EBF1: variants seen among roughly 807,000 people sequenced by gnomAD.
EBF1 encodes transcription factor COE1.
EBF1 carries 10 observed loss-of-function variants against 68.4 expected under a neutral mutation model. That is an observed-to-expected ratio of 0.15 (90% CI 0.09 to 0.25). EBF1 has a LOEUF of 0.25. Ranked by LOEUF, EBF1 falls within the 10% of genes least tolerant of loss-of-function variation. The pLI is 1.00. For missense variants in EBF1, 509 were observed against 794.4 expected, an observed-to-expected ratio of 0.64 and a Z score of 4.32; for synonymous variants, 298 against 299.8, an observed-to-expected ratio of 0.99 and a Z score of 0.06.
intron 6 of EBF1, among the ~76,000 whole-genome samples, chr5:158,861,995 T>C (rs1795038794): frequency 6.6e-6 from 1 of 152,232 alleles, no homozygotes; most frequent in Non-Finnish European, 1.5e-5. Context: ...TTCAAAATAT[T>C]GTTTTACTCC....
At chr5:158,837,749 C>T (rs890404526) in intron 7 of EBF1, among the ~76,000 whole-genome samples, 1 of 152,158 alleles carries the variant, frequency 6.6e-6, no homozygotes, top group East Asian at 1.9e-4. Flanking sequence ...AAGTTCTACA[C>T]GGATGCTCTT....
Position 158,863,381 on chromosome 5 carries a change from C to G in EBF1, c.555-23271G>C, listed in dbSNP as rs1467279683. On this transcript the variant is annotated intron_variant, in intron 6 of 15. Coordinates refer to ENST00000313708, the MANE Select transcript of EBF1 (RefSeq NM_024007.5). ...CCAGAACCACATCTGTCACATTGCT[C>G]TATGACTGCCACTTACCAATCTCCC... Among the ~76,000 whole-genome samples, 4 of 152,236 alleles carry G rather than the reference C, an allele frequency of 2.6e-5. No individual in the cohort carries two copies. The East Asian group carries it at 5.8e-4, about 22-fold the overall frequency.
At chr5:158,946,367 TG>T (rs1182706119) in intron 6 of EBF1, among the ~76,000 whole-genome samples, 1 of 152,210 alleles carries the variant, frequency 6.6e-6, no homozygotes, top group Non-Finnish European at 1.5e-5. Context: ...ATGGAGTTTT[TG>T]CTTGGTCGTC....
chr5:158,983,548 T>C (rs1240720813), intron 6 of EBF1: 1 of 152,202 alleles, frequency 6.6e-6, no homozygotes, highest in Non-Finnish European at 1.5e-5. Flanking sequence ...CCTTCAATAG[T>C]GTTTGAAGGT....
chr5:158,939,776 G>A (rs1174166535), intron 6 of EBF1, among the ~76,000 whole-genome samples: 1 of 151,988 alleles, frequency 6.6e-6, no homozygotes, highest in Admixed American at 6.6e-5. Flanking sequence ...AGGCTGCGAG[G>A]TAGCTCCTAC....
chr5:158,856,086 G>T (rs1013002363), intron 6 of EBF1, among the ~76,000 whole-genome samples: 3 of 152,196 alleles, frequency 2.0e-5, no homozygotes, highest in African/African-American at 7.2e-5. Context: ...GGTATAGCAG[G>T]CTACAACAGA....
chr5:158,857,985 C>T (rs151021593), intron 6 of EBF1, among the ~76,000 whole-genome samples: 270 of 152,280 alleles, frequency 1.8e-3, no homozygotes, highest in African/African-American at 6.1e-3. Context: ...TTCGTGGGCT[C>T]ATCTGCAGAA....
At chr5:158,909,957 A>AAAAG (rs1491575312) in intron 6 of EBF1, among the ~76,000 whole-genome samples, 1 of 29,272 alleles carries the variant, frequency 3.4e-5, no homozygotes. Context: ...CTCTGTCTAT[A>AAAAG]AAAAAAAAAA....
chr5:158,750,775 T>A (rs1768672501), intron 10 of EBF1, among the ~76,000 whole-genome samples: 1 of 151,680 alleles, frequency 6.6e-6, no homozygotes, highest in Admixed American at 6.6e-5. Context: ...CAAAAAAAAA[T>A]CATTTAGGGC....
chr5:159,009,315 C>A (rs756069181), intron 6 of EBF1, among the ~76,000 whole-genome samples: 2 of 152,206 alleles, frequency 1.3e-5, no homozygotes, highest in Non-Finnish European at 2.9e-5. Context: ...GAGACCCACA[C>A]AGAACTACCC....
chr5:158,938,958 A>G (rs532341069), intron 6 of EBF1, among the ~76,000 whole-genome samples: 2 of 152,272 alleles, frequency 1.3e-5, no homozygotes, highest in East Asian at 3.9e-4. Flanking sequence ...GACATCCTGG[A>G]TTTAAGTATG....
chr5:158,707,637 C>G, intron 15 of EBF1: 1 of 304,940 alleles, frequency 3.3e-6, no homozygotes. Context: ...AAAGACTGAT[C>G]TGATAATGGC....
At chr5:158,723,436 T>C (rs1762342477) in intron 11 of EBF1, among the ~76,000 whole-genome samples, 1 of 152,160 alleles carries the variant, frequency 6.6e-6, no homozygotes, top group African/African-American at 2.4e-5. Context: ...ACAGAGTTAA[T>C]ACCAACACCT....
At chr5:158,748,117 G>A (rs1768003361) in intron 10 of EBF1, among the ~76,000 whole-genome samples, 3 of 152,144 alleles carry the variant, frequency 2.0e-5, no homozygotes, top group African/African-American at 4.8e-5. Flanking sequence ...AAATATAAAT[G>A]TATATCCACA....
chr5:158,891,855 A>G (rs1801242016), intron 6 of EBF1, among the ~76,000 whole-genome samples: 1 of 152,126 alleles, frequency 6.6e-6, no homozygotes, highest in South Asian at 2.1e-4. Context: ...TTCTGGTCTC[A>G]CTGACAAACA....
intron 9 of EBF1, among the ~76,000 whole-genome samples, chr5:158,791,282 G>A (rs978441576): frequency 1.4e-5 from 2 of 141,648 alleles, no homozygotes; most frequent in Non-Finnish European, 3.0e-5. Flanking sequence ...CCATGCCACT[G>A]CACTCCAGCC....
intron 6 of EBF1, among the ~76,000 whole-genome samples, chr5:158,868,244 T>C (rs971658797): frequency 6.6e-6 from 1 of 152,198 alleles, no homozygotes; most frequent in Non-Finnish European, 1.5e-5. Context: ...CCAGAGTTTA[T>C]AGAGTTTAAT....
At chr5:158,977,883 T>C (rs965676201) in intron 6 of EBF1, among the ~76,000 whole-genome samples, 1 of 151,920 alleles carries the variant, frequency 6.6e-6, no homozygotes, top group African/African-American at 2.4e-5. Flanking sequence ...GAAAGAGACA[T>C]ACACACACAC....
chr5:159,081,109 T>C (rs931253689), intron 5 of EBF1, among the ~76,000 whole-genome samples: 1 of 151,870 alleles, frequency 6.6e-6, no homozygotes, highest in African/African-American at 2.4e-5. Flanking sequence ...GCCCCCTGAG[T>C]AGCTGGGAAT....
Sources: gnomAD v4.1 joint callset for allele counts (sites outside exome capture counted in the v4.1 genomes callset) on GRCh38, gnomAD v4.1.1 for gene constraint, MANE v1.5 for transcripts, NCBI Gene and HGNC (gene_info 2026-07-23, HGNC 2026-07-21) for gene names.